The following MTFR1L variants were observed in gnomAD, a reference collection of about 807,000 sequenced individuals.
MTFR1L encodes the protein mitochondrial fission regulator 1 like, also known as mitochondrial fission regulator 1-like.
In MTFR1L, 10 loss-of-function variants were observed where a neutral mutation model predicts 27.9. That is an observed-to-expected ratio of 0.36 (90% CI 0.22 to 0.61). MTFR1L has a LOEUF of 0.61. Among genes scored for constraint, MTFR1L ranks in the 20% least tolerant of loss-of-function variants. MTFR1L has a pLI of 0.73. For missense variants in MTFR1L, 315 were observed against 363.7 expected (o/e 0.87, Z 1.09); for synonymous variants, 151 against 139.4 (o/e 1.08, Z -0.58).
chr1:25,830,660 G>A lies in MTFR1L; in HGVS notation c.773+830G>A, dbSNP rs549330831. ...GCCAGCACCCAGCTTGTGCAGCTCT[G>A]TTTGTTAATGCAGATGAAAAACTGT... On this transcript the variant is annotated intron_variant, in intron 6 of 6. Coordinates refer to ENST00000374303, the MANE Select transcript of MTFR1L (RefSeq NM_001099625.2). Among the ~76,000 whole-genome samples, 13 of 152,326 alleles carry A rather than the reference G, an allele frequency of 8.5e-5. No homozygotes were observed. In the South Asian group the frequency reaches 2.7e-3, roughly 32 times the overall value.
intron 3 of MTFR1L, among the ~76,000 whole-genome samples, chr1:25,824,239 G>A (rs1016750215): frequency 2.0e-5 from 3 of 152,102 alleles, no homozygotes; most frequent in African/African-American, 7.2e-5. Flanking sequence ...GCCAATCTGG[G>A]CATCCTTTAC....
chr1:25,830,232 G>A (rs1463170996), intron 6 of MTFR1L, among the ~76,000 whole-genome samples: 1 of 152,158 alleles, frequency 6.6e-6, no homozygotes, highest in African/African-American at 2.4e-5. Flanking sequence ...TTTGGTGGGA[G>A]GAGAATTTCA....
At chr1:25,823,272 C>G in intron 2 of MTFR1L, 144 bp downstream of exon 2, 1 of 863,918 alleles carries the variant, frequency 1.2e-6, no homozygotes, top group South Asian at 1.4e-5. Context: ...CCGTTTCACT[C>G]CCTCCCCCTA....
intron 3 of MTFR1L, 48 bp downstream of exon 3, chr1:25,823,796 T>G (rs781058553): frequency 6.2e-7 from 1 of 1,601,422 alleles, no homozygotes. Flanking sequence ...ACAGTGCTGC[T>G]TCTGTGCCCC....
chr1:25,828,039 A>C (rs1014993692), intron 5 of MTFR1L, among the ~76,000 whole-genome samples: 1 of 152,058 alleles, frequency 6.6e-6, no homozygotes, highest in East Asian at 1.9e-4. Flanking sequence ...TTTTCAATAC[A>C]AGAAGTAAAC....
rs1428329963 is a variant in MTFR1L at position 25,826,170 on chromosome 1, CCTT to C, written c.130-126_130-124del. ...TCTGTTCAATGTTTTCGACCAGGAACCTTCTTCTGCCCCCTCTAGGAAGCCTTC... is the reference window on the plus strand; with the variant it reads ...TCTGTTCAATGTTTTCGACCAGGAACCTTCTGCCCCCTCTAGGAAGCCTTC... On this transcript the variant is annotated intron_variant, in intron 3 of 6. Transcript: ENST00000374303. This position sits in a 1 kb window ranked among gnomAD's most constrained non-coding sequence, Gnocchi z 4.1. The C allele has an allele frequency of 1.5e-6, 1 of 684,022 alleles. No individual in the cohort carries two copies. The highest frequency in any genetic ancestry group is 1.8e-5 in the African/African-American group (1 of 55,416). 42.4% of individuals were successfully genotyped at this position (684,022 alleles called of 1,614,324 possible). A position where few individuals can be genotyped will look rare whatever the true frequency, so the allele number is the denominator to read the frequency against.
At chr1:25,828,542 A>G (rs2048196579) in intron 5 of MTFR1L, among the ~76,000 whole-genome samples, 1 of 150,052 alleles carries the variant, frequency 6.7e-6, no homozygotes, top group Admixed American at 6.6e-5. Context: ...CATGGGCGAC[A>G]GAGTGAGACT....
At chr1:25,824,014 C>T (rs1215757636) in intron 3 of MTFR1L, among the ~76,000 whole-genome samples, 1 of 152,168 alleles carries the variant, frequency 6.6e-6, no homozygotes, top group Admixed American at 6.5e-5. Context: ...TTCACCAGCC[C>T]TAAGAATTGA....
At position 25,831,986 on chromosome 1, in the gene MTFR1L, T is replaced by A; in HGVS notation, c.839T>A (p.Phe280Tyr). The A allele has an allele frequency of 6.2e-7, 1 of 1,614,170 alleles. No individual in the cohort carries two copies. The highest frequency in any genetic ancestry group is 2.2e-5 in the East Asian group (1 of 44,874). The change falls in exon 7 of 7, where the codon TTT becomes TAT. Residue 280 changes from phenylalanine (F) to tyrosine (Y), a missense_variant. Phe to Tyr is a conservative substitution (Grantham distance 22, BLOSUM62 3). Transcript: ENST00000374303. ...VLISEVLRRKFALKEEDISRK... is the reference protein window; with the variant it reads ...VLISEVLRRKYALKEEDISRK... ...ATCTCTGAGGTCCTAAGGAGGAAGTTTGCTCTAAAGGAAGAAGATATCAGT... is the reference window on the plus strand; with the variant it reads ...ATCTCTGAGGTCCTAAGGAGGAAGTATGCTCTAAAGGAAGAAGATATCAGT...
At chr1:25,823,206 G>A (rs1439991605) in intron 2 of MTFR1L, 78 bp downstream of exon 2, 1 of 1,392,732 alleles carries the variant, frequency 7.2e-7, no homozygotes, top group South Asian at 1.2e-5. Context: ...AAAAGGTTCT[G>A]AGACTCTCCA....
rs756037870 is a variant in MTFR1L at position 25,826,342 on chromosome 1, C to A, written c.170C>A (p.Pro57His). 3 of 1,614,160 alleles carry A rather than the reference C, an allele frequency of 1.9e-6. 1 individual carries two copies. The South Asian group carries it at 3.3e-5, about 18-fold the overall frequency. ...TCTGACCTGTGTTTGAGAGATGTGCCCCCAGTCCCTACCCTGGCTGACATC... is the reference window on the plus strand; with the variant it reads ...TCTGACCTGTGTTTGAGAGATGTGCACCCAGTCCCTACCCTGGCTGACATC... The part of the protein sequence containing the change: ...NISDLCLRDV[P>H]PVPTLADIAW... Residue 57 changes from proline (P) to histidine (H), a missense_variant, in exon 4 of 7, where the codon CCC becomes CAC. Pro to His is a moderately conservative substitution (Grantham distance 77). Coordinates refer to ENST00000374303, the MANE Select transcript of MTFR1L (RefSeq NM_001099625.2). The surrounding 1 kb of genome is among the most constrained non-coding windows in gnomAD (Gnocchi z 4.1).
intron 5 of MTFR1L, among the ~76,000 whole-genome samples, chr1:25,827,391 C>T (rs544312848): frequency 6.0e-4 from 91 of 152,200 alleles, no homozygotes; most frequent in African/African-American, 2.2e-3. Flanking sequence ...CCACCTCAGC[C>T]TCTCAAAGTG....
chr1:25,820,742 GT>G (rs2048078356), intron 1 of MTFR1L: 1 of 440,004 alleles, frequency 2.3e-6, no homozygotes, highest in Non-Finnish European at 4.5e-6. Context: ...TGACAGCTGA[GT>G]TGGTGTTCCC....
intron 3 of MTFR1L, among the ~76,000 whole-genome samples, chr1:25,825,247 T>G (rs1241599823): frequency 1.3e-5 from 2 of 152,204 alleles, no homozygotes; most frequent in African/African-American, 4.8e-5. Context: ...TACTTGTGTG[T>G]AAATATGCAT....
intron 1 of MTFR1L, chr1:25,820,414 G>T (rs1301978842): frequency 2.3e-6 from 1 of 441,538 alleles, no homozygotes; most frequent in Admixed American, 2.5e-5. Flanking sequence ...CCTTGGCCCA[G>T]GTCGGGTCGT....
chr1:25,829,857 A>G lies in MTFR1L; in HGVS notation c.773+27A>G, dbSNP rs578179239. ...TAAGTATCTGATGAGGAGCTCTGGT[A>G]TCTATTTACTCAGAGTTGCCCATGG... On this transcript the variant is annotated intron_variant, in intron 6 of 6. Transcript: ENST00000374303. The G allele has an allele frequency of 4.2e-5, 65 of 1,563,682 alleles. No individual in the cohort carries two copies. In the East Asian group the frequency reaches 1.4e-3, roughly 33 times the overall value.
In MTFR1L at chr1:25,832,195, T is replaced by A. The variant is rs1167047345; in HGVS notation, c.*169T>A. On this transcript the variant is annotated 3_prime_UTR_variant, in exon 7 of 7. Coordinates refer to ENST00000374303, the MANE Select transcript of MTFR1L (RefSeq NM_001099625.2). ...GAGCTGGATTATATATTTCCCAGACTTCAAACCCTAGCAGAAGCTAAGGCT... is the reference window on the plus strand; with the variant it reads ...GAGCTGGATTATATATTTCCCAGACATCAAACCCTAGCAGAAGCTAAGGCT... 2.0e-6 allele frequency: 3 copies of A among 1,534,392 alleles called. No individual in the cohort carries two copies. In the South Asian group the frequency reaches 3.6e-5, roughly 18 times the overall value.
intron 5 of MTFR1L, among the ~76,000 whole-genome samples, chr1:25,828,340 T>C (rs1027460592): frequency 6.6e-6 from 1 of 152,236 alleles, no homozygotes; most frequent in Admixed American, 6.5e-5. Flanking sequence ...CCCAACACTT[T>C]GGAAGGCTGA....
chr1:25,820,124 C>T (rs1161132885), intron 1 of MTFR1L, 95 bp downstream of exon 1: 2 of 447,598 alleles, frequency 4.5e-6, no homozygotes, highest in Non-Finnish European at 8.9e-6. Context: ...GCGGAGCCCG[C>T]AGCTCCTGTT....
Sources: gnomAD v4.1 joint callset for allele counts (sites outside exome capture counted in the v4.1 genomes callset) on GRCh38, gnomAD v4.1.1 for gene constraint, Gnocchi (gnomAD v3.1) non-coding constraint, MANE v1.5 for transcripts, NCBI Gene and HGNC (gene_info 2026-07-23, HGNC 2026-07-21) for gene names.